Variants in QRSL1 observed in about 807,000 individuals in gnomAD.
QRSL1 encodes the protein glutamyl-tRNA(Gln) amidotransferase subunit A, mitochondrial.
A neutral mutation model predicts 61.6 loss-of-function variants in QRSL1; 54 were observed. The ratio of observed to expected loss-of-function variants is 0.88; its 90% CI spans 0.70 to 1.10. The LOEUF (loss-of-function observed/expected upper bound fraction) is 1.10, where lower values mean the gene tolerates loss of function less well. Ranked by LOEUF, QRSL1 falls within the 50% of genes least tolerant of loss-of-function variation. The pLI is 0.00. For synonymous variants in QRSL1, 228 were observed against 225.7 expected (o/e 1.01, Z -0.09); for missense variants, 505 against 622.6 (o/e 0.81, Z 2.01).
At chr6:106,635,583 A>G (rs919072398) in intron 1 of QRSL1, among the ~76,000 whole-genome samples, 2 of 152,102 alleles carry the variant, frequency 1.3e-5, no homozygotes, top group African/African-American at 2.4e-5. Flanking sequence ...TTTAAAGACC[A>G]TTCTTTTCTG....
At chr6:106,651,351 A>G (rs1472513104) in intron 5 of QRSL1, among the ~76,000 whole-genome samples, 1 of 152,202 alleles carries the variant, frequency 6.6e-6, no homozygotes, top group Non-Finnish European at 1.5e-5. Context: ...ACATTAATAA[A>G]AACTTTTTGG....
intron 9 of QRSL1, among the ~76,000 whole-genome samples, chr6:106,658,791 G>A (rs1480143066): frequency 6.6e-6 from 1 of 152,060 alleles, no homozygotes; most frequent in Non-Finnish European, 1.5e-5. Context: ...CTGCATAGGG[G>A]TTTGTTAAGC....
chr6:106,666,683 A>C lies in QRSL1; in HGVS notation c.*681A>C, dbSNP rs1014891120. On this transcript the variant is annotated 3_prime_UTR_variant, in exon 11 of 11. Transcript: ENST00000369046. ...AATAGTCCTTCTAGAGGTAACTTGGATAGCCTAGGCAGGCAACTTATCATG... is the reference window on the plus strand; with the variant it reads ...AATAGTCCTTCTAGAGGTAACTTGGCTAGCCTAGGCAGGCAACTTATCATG... The C allele has an allele frequency of 6.6e-6, 1 of 152,616 alleles. No homozygotes were observed. The highest frequency in any genetic ancestry group is 6.5e-5 in the Admixed American group (1 of 15,332). The allele number at this position is 152,616 out of a possible 1,614,324, so 9.5% of individuals were successfully genotyped here. A position where few individuals can be genotyped will look rare whatever the true frequency, so the allele number is the denominator to read the frequency against.
intron 4 of QRSL1, among the ~76,000 whole-genome samples, chr6:106,647,490 C>T (rs59668897): frequency 0.035 from 4,796 of 137,400 alleles, 269 homozygotes; most frequent in East Asian, 0.2. Flanking sequence ...AACCGGGAGG[C>T]GGAGCTTGCA....
chr6:106,656,081 T>C (rs1394351207), intron 9 of QRSL1, among the ~76,000 whole-genome samples: 1 of 152,230 alleles, frequency 6.6e-6, no homozygotes, highest in Non-Finnish European at 1.5e-5. Flanking sequence ...ACTATTTACC[T>C]CGCATTTACA....
intron 1 of QRSL1, among the ~76,000 whole-genome samples, chr6:106,636,775 A>T (rs922076485): frequency 6.6e-5 from 10 of 152,252 alleles, no homozygotes; most frequent in African/African-American, 2.4e-4. Context: ...GCTATTATTA[A>T]CATTAATTTT....
chr6:106,640,985 T>G lies in QRSL1; in HGVS notation c.283+64T>G. 4.4e-6 allele frequency: 5 copies of G among 1,129,386 alleles called. No individual in the cohort carries two copies. In the South Asian group the frequency reaches 6.9e-5, roughly 16 times the overall value. The allele number at this position is 1,129,386 out of a possible 1,614,324, so 70.0% of individuals were successfully genotyped here. On this transcript the variant is annotated intron_variant, in intron 3 of 10. Coordinates refer to ENST00000369046, the MANE Select transcript of QRSL1 (RefSeq NM_018292.5). ...AAATAGGTATTTTTCGCTTTAAGGATAATAAAGTACCAAGATAATCTCAGA... is the reference window on the plus strand; with the variant it reads ...AAATAGGTATTTTTCGCTTTAAGGAGAATAAAGTACCAAGATAATCTCAGA...
At chr6:106,652,431 AAT>A in intron 6 of QRSL1, 34 bp from the exon 7 acceptor site, 1 of 1,613,554 alleles carries the variant, frequency 6.2e-7, no homozygotes, top group South Asian at 1.1e-5. Flanking sequence ...TCTATAAAAC[AAT>A]ATATCTGTCA....
In QRSL1 at chr6:106,633,147, G is replaced by T. The variant is rs3804340; in HGVS notation, c.24+3442G>T. ...ATCCAGAGGTTGCCTTGGCATGATTGCTTTTACTTTATCACTCCTTTAACA... is the reference window on the plus strand; with the variant it reads ...ATCCAGAGGTTGCCTTGGCATGATTTCTTTTACTTTATCACTCCTTTAACA... On this transcript the variant is annotated intron_variant, in intron 1 of 10. Transcript: ENST00000369046. Among the ~76,000 whole-genome samples the T allele has an allele frequency of 5.9e-5, 9 of 152,274 alleles. No homozygotes were observed. In the South Asian group the frequency reaches 1.5e-3, roughly 25 times the overall value.
Position 106,652,348 on chromosome 6 carries a change from T to C in QRSL1, c.697T>C (p.Leu233=). The C allele has an allele frequency of 6.2e-7, 1 of 1,614,222 alleles. No individual in the cohort carries two copies. The highest frequency in any genetic ancestry group is 8.5e-7 in the Non-Finnish European group (1 of 1,180,044). Residue 233 remains leucine (L), a synonymous_variant, in exon 6 of 11, where the codon TTA becomes CTA. Transcript: ENST00000369046. Reference sequence around the variant, plus strand: ...GAATTCGATGGATGTGCCAGGAATCTTAACCAGATGTGTGGATGATGCAGC... The same window carrying C: ...GAATTCGATGGATGTGCCAGGAATCCTAACCAGATGTGTGGATGATGCAGC... The part of the protein sequence containing the change: ...LVNSMDVPGI[L]TRCVDDAAIV...
intron 4 of QRSL1, among the ~76,000 whole-genome samples, chr6:106,646,192 C>G (rs1777103183): frequency 1.3e-5 from 2 of 152,104 alleles, no homozygotes; most frequent in African/African-American, 4.8e-5. Context: ...GTTGAATGAA[C>G]TAATCCATGA....
chr6:106,642,372 A>G (rs896377092), intron 3 of QRSL1: 10 of 407,102 alleles, frequency 2.5e-5, no homozygotes, highest in East Asian at 1.6e-4. Context: ...TGTTTCTTAC[A>G]TATGATTTAC....
At chr6:106,664,240 A>C (rs1777400473) in intron 10 of QRSL1, among the ~76,000 whole-genome samples, 2 of 151,864 alleles carry the variant, frequency 1.3e-5, no homozygotes. Flanking sequence ...CAATCACCCC[A>C]CCTCTCTTTT....
chr6:106,633,551 G>A (rs1008130457), intron 1 of QRSL1, among the ~76,000 whole-genome samples: 47 of 152,076 alleles, frequency 3.1e-4, no homozygotes, highest in Non-Finnish European at 5.9e-4. Flanking sequence ...CCTGGGAATA[G>A]GCACAAAAAG....
At chr6:106,654,998 AAGTT>A in intron 8 of QRSL1, 76 bp downstream of exon 8, 2 of 1,315,616 alleles carry the variant, frequency 1.5e-6, no homozygotes, top group South Asian at 1.5e-5. Flanking sequence ...AGTGACAAAA[AAGTT>A]AATGCTTGAG....
At chr6:106,648,197 G>A (rs1284062313) in intron 4 of QRSL1, among the ~76,000 whole-genome samples, 2 of 151,834 alleles carry the variant, frequency 1.3e-5, no homozygotes, top group Non-Finnish European at 2.9e-5. Context: ...TCGGGAGGCT[G>A]AGGCAGGAGA....
intron 8 of QRSL1, 63 bp downstream of exon 8, chr6:106,654,985 A>G (rs1777244676): frequency 7.1e-7 from 1 of 1,407,754 alleles, no homozygotes; most frequent in African/African-American, 1.5e-5. Flanking sequence ...AAGTTCACTT[A>G]TTAGTGACAA....
chr6:106,650,350 C>T (rs1777173032), intron 5 of QRSL1, among the ~76,000 whole-genome samples: 1 of 152,178 alleles, frequency 6.6e-6, no homozygotes, highest in African/African-American at 2.4e-5. Flanking sequence ...TAACTTGACA[C>T]TGTAAGAAAG....
chr6:106,651,184 G>A (rs111799501), intron 5 of QRSL1, among the ~76,000 whole-genome samples: 191 of 151,990 alleles, frequency 1.3e-3, no homozygotes, highest in African/African-American at 4.5e-3. Flanking sequence ...TCTGTGACTG[G>A]CTTATTTCAT....
Sources: allele counts gnomAD v4.1 joint callset (sites outside exome capture counted in the v4.1 genomes callset), GRCh38; gene constraint gnomAD v4.1.1; transcripts MANE v1.5; gene names NCBI Gene and HGNC (gene_info 2026-07-23, HGNC 2026-07-21).